Variants in LHFPL2 observed in about 807,000 individuals in gnomAD.
LHFPL2 encodes LHFPL tetraspan subfamily member 2 protein.
In LHFPL2, 7 loss-of-function variants were observed where a neutral mutation model predicts 17.5. That is an observed-to-expected ratio of 0.40 (90% CI 0.23 to 0.75). The LOEUF is 0.75. LHFPL2 is among the 30% of genes least tolerant of loss of function. The pLI is 0.37. For synonymous variants in LHFPL2, 134 were observed against 116.2 expected (o/e 1.15, Z -0.99); for missense variants, 241 against 294.8 (o/e 0.82, Z 1.34).
chr5:78,550,481 C>T (rs1023308089), intron 3 of LHFPL2, among the ~76,000 whole-genome samples: 4 of 152,102 alleles, frequency 2.6e-5, no homozygotes, highest in African/African-American at 4.8e-5. Context: ...GGGAGAGCGC[C>T]GGAATGCAGT....
intron 2 of LHFPL2, among the ~76,000 whole-genome samples, chr5:78,585,443 G>A (rs1002498015): frequency 3.3e-5 from 5 of 152,172 alleles, no homozygotes; most frequent in Non-Finnish European, 5.9e-5. Flanking sequence ...CCCGAGTGAG[G>A]CAATGCCTCG....
intron 2 of LHFPL2, among the ~76,000 whole-genome samples, chr5:78,575,972 G>C (rs1311599317): frequency 6.6e-6 from 1 of 152,142 alleles, no homozygotes; most frequent in Non-Finnish European, 1.5e-5. Flanking sequence ...AATCTTACAG[G>C]GATGAGCCAC....
chr5:78,541,395 T>C (rs1739593620), intron 3 of LHFPL2, among the ~76,000 whole-genome samples: 1 of 152,160 alleles, frequency 6.6e-6, no homozygotes, highest in African/African-American at 2.4e-5. Flanking sequence ...CACTCCTGAA[T>C]TACCCAAAGC....
At position 78,622,639 on chromosome 5, in the gene LHFPL2, G is replaced by A. The variant is rs117014066; in HGVS notation, c.-245+9625C>T. ...GCAGCTGGGAGGGGCTGTCTCCCAA[G>A]CATTCTCTTCCTCCAAGGAACCTGA... On this transcript the variant is annotated intron_variant, in intron 2 of 4. Transcript: ENST00000380345. Among the ~76,000 whole-genome samples the A allele has an allele frequency of 5.3e-5, 8 of 152,286 alleles. No individual in the cohort carries two copies. The East Asian group carries it at 1.5e-3, about 29-fold the overall frequency.
At chr5:78,492,514 A>C (rs1400019300) in intron 4 of LHFPL2, among the ~76,000 whole-genome samples, 2 of 152,144 alleles carry the variant, frequency 1.3e-5, no homozygotes, top group South Asian at 2.1e-4. Flanking sequence ...TTTTGATAGC[A>C]ATCAGGCTCC....
intron 1 of LHFPL2, among the ~76,000 whole-genome samples, chr5:78,638,496 A>G (rs1280482017): frequency 6.6e-6 from 1 of 152,246 alleles, no homozygotes; most frequent in Non-Finnish European, 1.5e-5. Flanking sequence ...ATCGTAAATC[A>G]GCAGAGACAA....
intron 4 of LHFPL2, among the ~76,000 whole-genome samples, chr5:78,502,958 G>T (rs538411242): frequency 6.6e-6 from 1 of 152,112 alleles, no homozygotes; most frequent in Admixed American, 6.5e-5. Context: ...CATTTTCTCC[G>T]CATGTGTAGT....
intron 2 of LHFPL2, among the ~76,000 whole-genome samples, chr5:78,606,277 T>C (rs1402769141): frequency 6.6e-6 from 1 of 152,212 alleles, no homozygotes; most frequent in Non-Finnish European, 1.5e-5. Flanking sequence ...TAAGCGACCA[T>C]CTGGTTTCAG....
chr5:78,612,379 C>T (rs938927691), intron 2 of LHFPL2, among the ~76,000 whole-genome samples: 18 of 152,248 alleles, frequency 1.2e-4, no homozygotes, highest in African/African-American at 4.3e-4. Context: ...ACTGGAATGC[C>T]ATTGTATAGT....
At chr5:78,503,685 C>A (rs892140740) in intron 4 of LHFPL2, among the ~76,000 whole-genome samples, 1 of 146,926 alleles carries the variant, frequency 6.8e-6, no homozygotes, top group Non-Finnish European at 1.5e-5. Flanking sequence ...GCAATAAGAG[C>A]GAAACTCCAT....
intron 2 of LHFPL2, chr5:78,626,136 G>C (rs1174037732): frequency 1.3e-5 from 2 of 152,232 alleles, no homozygotes; most frequent in African/African-American, 2.4e-5. Context: ...CAGGCTCCAT[G>C]GCACAGGGAC....
rs560078538 is a variant in LHFPL2 at position 78,554,966 on chromosome 5, A to T, written c.-186+9847T>A. On this transcript the variant is annotated intron_variant, in intron 3 of 4. Coordinates refer to ENST00000380345, the MANE Select transcript of LHFPL2 (RefSeq NM_005779.3). ...TCTTTGAATCCTTAGGAGACAAATC[A>T]TCATATTTTCATCTCAAAAATATTA... Among the ~76,000 whole-genome samples, 231 of 152,318 alleles carry T rather than the reference A, an allele frequency of 1.5e-3. 1 individual carries two copies. Among genetic ancestry groups the T allele is most frequent in the African/African-American group, 4.9e-3 (202 of 41,590 alleles).
At chr5:78,522,837 G>A (rs1346542975) in intron 3 of LHFPL2, among the ~76,000 whole-genome samples, 1 of 152,198 alleles carries the variant, frequency 6.6e-6, no homozygotes, top group Non-Finnish European at 1.5e-5. Flanking sequence ...GCAGGACTGA[G>A]GGGTGAGAAT....
chr5:78,621,178 T>C (rs931690826), intron 2 of LHFPL2, among the ~76,000 whole-genome samples: 2 of 152,138 alleles, frequency 1.3e-5, no homozygotes, highest in Admixed American at 6.5e-5. Context: ...AAACAAACCT[T>C]AAAGGATTCA....
intron 2 of LHFPL2, among the ~76,000 whole-genome samples, chr5:78,576,603 G>A (rs556044746): frequency 1.3e-5 from 2 of 152,250 alleles, no homozygotes; most frequent in South Asian, 2.1e-4. Flanking sequence ...AGAAGAGAAG[G>A]CCCCAGGGAC....
chr5:78,489,011 G>A lies in LHFPL2; in HGVS notation c.573C>T (p.Gly191=), dbSNP rs1350935555. Residue 191 remains glycine (G), a synonymous_variant, in exon 5 of 5, where the codon GGC becomes GGT. Coordinates refer to ENST00000380345, the MANE Select transcript of LHFPL2 (RefSeq NM_005779.3). ...CAGCACAGATGAAAGTGAGGACTGTGCCCCCAATGGCGGTATAAAAGGCCC... is the reference window on the plus strand; with the variant it reads ...CAGCACAGATGAAAGTGAGGACTGTACCCCCAATGGCGGTATAAAAGGCCC... ...LGWAFYTAIG[G]TVLTFICAVF... is the part of the protein sequence containing the mutation. 6.2e-7 allele frequency: 1 copy of A among 1,614,178 alleles called. No individual in the cohort carries two copies. Among genetic ancestry groups the A allele is most frequent in the East Asian group, 2.2e-5 (1 of 44,870 alleles).
In LHFPL2 at chr5:78,486,624, C is replaced by G. The variant is rs13157936; in HGVS notation, c.*2273G>C. The G allele has an allele frequency of 0.37, 56,892 of 152,126 alleles. 12,860 individuals are homozygous for G. Among genetic ancestry groups the G allele is most frequent in the Non-Finnish European group, 0.51 (34,616 of 67,964 alleles). 9.4% of individuals were successfully genotyped at this position (152,126 alleles called of 1,614,324 possible). The stretch of plus-strand genomic sequence containing the variant: ...AGGTAGTTTTTAGTGGTTTGGGGTT[C>G]TGTGTGTGTGCATGCCTGTGCTTTT... On this transcript the variant is annotated 3_prime_UTR_variant, in exon 5 of 5. Coordinates refer to ENST00000380345, the MANE Select transcript of LHFPL2 (RefSeq NM_005779.3).
At chr5:78,535,588 G>A (rs766794618) in intron 3 of LHFPL2, among the ~76,000 whole-genome samples, 17 of 152,136 alleles carry the variant, frequency 1.1e-4, no homozygotes, top group African/African-American at 3.6e-4. Flanking sequence ...AGCCCCCAGC[G>A]CTGTCTCCTC....
rs966736255 is a variant in LHFPL2 at position 78,499,336 on chromosome 5, G to A, written c.431-10183C>T. Among the ~76,000 whole-genome samples, 9 of 152,220 alleles carry A rather than the reference G, an allele frequency of 5.9e-5. 1 individual carries two copies. The highest frequency in any genetic ancestry group is 2.2e-4 in the African/African-American group (9 of 41,440). On this transcript the variant is annotated intron_variant, in intron 4 of 4. Coordinates refer to ENST00000380345, the MANE Select transcript of LHFPL2 (RefSeq NM_005779.3). Reference sequence around the variant, plus strand: ...TGTTGAGCACTCTGTGCTAGGCACTGGTTAAGCACTTTAAATATAACTCAT... The same window carrying A: ...TGTTGAGCACTCTGTGCTAGGCACTAGTTAAGCACTTTAAATATAACTCAT...
Sources: gnomAD v4.1 joint callset for allele counts (sites outside exome capture counted in the v4.1 genomes callset) on GRCh38, gnomAD v4.1.1 for gene constraint, MANE v1.5 for transcripts, NCBI Gene and HGNC (gene_info 2026-07-23, HGNC 2026-07-21) for gene names.